DGKB: variants seen among roughly 807,000 people sequenced by gnomAD.
DGKB encodes the protein diacylglycerol kinase beta.
In DGKB, 67 loss-of-function variants were observed where a neutral mutation model predicts 114.3. That is an observed-to-expected ratio of 0.59 (90% CI 0.48 to 0.72). The LOEUF (loss-of-function observed/expected upper bound fraction) is 0.72, where lower values mean the gene tolerates loss of function less well. Ranked by LOEUF, DGKB falls within the 30% of genes least tolerant of loss-of-function variation. The pLI is 0.00. For synonymous variants in DGKB, 398 were observed against 323.1 expected, an observed-to-expected ratio of 1.23 and a Z score of -2.49; for missense variants, 907 against 975.2, an observed-to-expected ratio of 0.93 and a Z score of 0.93.
chr7:14,936,901 A>T (rs1034206919), intron 1 of DGKB, among the ~76,000 whole-genome samples: 8 of 151,996 alleles, frequency 5.3e-5, no homozygotes, highest in African/African-American at 1.9e-4. Flanking sequence ...GCTTTCATTT[A>T]TATCAGGGTG....
chr7:14,943,334 G>GAA (rs75511038), intron 1 of DGKB, among the ~76,000 whole-genome samples: 2 of 151,498 alleles, frequency 1.3e-5, no homozygotes, highest in East Asian at 3.9e-4. Context: ...TATGCCATAA[G>GAA]AAAAAAACCT....
intron 1 of DGKB, among the ~76,000 whole-genome samples, chr7:14,954,898 T>C (rs1230534211): frequency 1.3e-5 from 2 of 152,034 alleles, no homozygotes; most frequent in African/African-American, 2.4e-5. Context: ...TTTATGTATA[T>C]ATTTTTTCCA....
chr7:14,431,110 C>G (rs974633347), intron 21 of DGKB, among the ~76,000 whole-genome samples: 2 of 152,014 alleles, frequency 1.3e-5, no homozygotes, highest in African/African-American at 4.8e-5. Flanking sequence ...GCCTCTTCTC[C>G]CTTGTGTTGC....
chr7:14,398,251 A>G (rs1352175695), intron 21 of DGKB, among the ~76,000 whole-genome samples: 5 of 152,090 alleles, frequency 3.3e-5, no homozygotes, highest in South Asian at 4.1e-4. Flanking sequence ...ACATTATGTT[A>G]AACCACATTT....
chr7:14,221,844 T>A lies in DGKB; in HGVS notation c.2123-43693A>T, dbSNP rs1374469208. ...ATTACTACTCTGAATTCTACACTTA[T>A]CAATTCAGATTGAGTCCATTTCTTC... On this transcript the variant is annotated intron_variant, in intron 23 of 25. Coordinates refer to ENST00000402815, the MANE Select transcript of DGKB (RefSeq NM_001350709.2). 2.0e-5 allele frequency among the ~76,000 whole-genome samples: 3 copies of A among 151,562 alleles called. No individual in the cohort carries two copies. In the East Asian group the frequency reaches 5.8e-4, roughly 29 times the overall value.
chr7:14,850,011 C>T (rs866862717), intron 1 of DGKB, among the ~76,000 whole-genome samples: 2 of 152,166 alleles, frequency 1.3e-5, no homozygotes, highest in African/African-American at 2.4e-5. Context: ...CCTACCTCAA[C>T]CCATCCCCTA....
At chr7:14,713,888 C>G (rs1437554442) in intron 6 of DGKB, among the ~76,000 whole-genome samples, 1 of 151,704 alleles carries the variant, frequency 6.6e-6, no homozygotes. Flanking sequence ...TAATTGATAA[C>G]TTGATAAGCA....
intron 20 of DGKB, among the ~76,000 whole-genome samples, chr7:14,548,658 A>C (rs910764847): frequency 1.3e-5 from 2 of 152,146 alleles, no homozygotes; most frequent in Non-Finnish European, 2.9e-5. Flanking sequence ...GGCCCAGAAC[A>C]TGATAGGAAG....
At chr7:14,292,168 A>G (rs1801872557) in intron 23 of DGKB, among the ~76,000 whole-genome samples, 1 of 152,200 alleles carries the variant, frequency 6.6e-6, no homozygotes, top group South Asian at 2.1e-4. Context: ...TTGGGAAAAT[A>G]CAAATTTTAA....
At chr7:14,644,173 C>T (rs1340257967) in intron 13 of DGKB, among the ~76,000 whole-genome samples, 6 of 150,526 alleles carry the variant, frequency 4.0e-5, no homozygotes, top group Non-Finnish European at 5.9e-5. Context: ...GAACTAAAAC[C>T]AAAGCACTCT....
chr7:14,850,695 A>G (rs1446722192), intron 1 of DGKB, among the ~76,000 whole-genome samples: 1 of 152,212 alleles, frequency 6.6e-6, no homozygotes, highest in Non-Finnish European at 1.5e-5. Context: ...TTACCTAAAA[A>G]TGTGGTGAAG....
intron 1 of DGKB, among the ~76,000 whole-genome samples, chr7:14,942,887 C>G (rs1265015869): frequency 1.3e-5 from 2 of 151,922 alleles, no homozygotes; most frequent in East Asian, 1.9e-4. Flanking sequence ...ATAGCACTTA[C>G]TTAATTTGTC....
At chr7:14,402,375 C>A (rs2128728335) in intron 21 of DGKB, among the ~76,000 whole-genome samples, 1 of 151,890 alleles carries the variant, frequency 6.6e-6, no homozygotes, top group African/African-American at 2.4e-5. Flanking sequence ...ATTCCAGGAA[C>A]ATAGTTTCTT....
Position 14,621,456 on chromosome 7 carries a change from G to A in DGKB, c.1206C>T (p.Ser402=). The A allele has an allele frequency of 6.2e-7, 1 of 1,610,160 alleles. No individual in the cohort carries two copies. The highest frequency in any genetic ancestry group is 8.5e-7 in the Non-Finnish European group (1 of 1,178,062). Residue 402 remains serine, a synonymous_variant, in exon 15 of 26, where the codon TCC becomes TCT. Coordinates refer to ENST00000402815, the MANE Select transcript of DGKB (RefSeq NM_001350709.2). ...QSTVKKEKSG[S]QQPNKVIDKN... is the part of the protein sequence containing the mutation. ...TGTCAATCACTTTGTTTGGCTGCTG[G>A]GAACCACTCTTTTCCTTTTTCACTG...
At chr7:14,798,772 C>T (rs904616310) in intron 2 of DGKB, among the ~76,000 whole-genome samples, 1 of 152,208 alleles carries the variant, frequency 6.6e-6, no homozygotes, top group African/African-American at 2.4e-5. Flanking sequence ...TGGGTCCCCA[C>T]ACCCATCCTG....
intron 23 of DGKB, among the ~76,000 whole-genome samples, chr7:14,227,210 A>G (rs542210158): frequency 6.6e-6 from 1 of 152,190 alleles, no homozygotes; most frequent in East Asian, 1.9e-4. Flanking sequence ...CACAATCCTG[A>G]TGAACTTTTG....
intron 20 of DGKB, among the ~76,000 whole-genome samples, chr7:14,556,097 T>C (rs928761307): frequency 6.6e-6 from 1 of 152,214 alleles, no homozygotes; most frequent in East Asian, 1.9e-4. Context: ...GGGGTCTGGA[T>C]TGGGACTCCT....
intron 8 of DGKB, among the ~76,000 whole-genome samples, chr7:14,697,470 T>G (rs984084223): frequency 2.0e-5 from 3 of 152,116 alleles, no homozygotes; most frequent in African/African-American, 7.2e-5. Context: ...TCCACATGTA[T>G]GTAAGACCAC....
chr7:14,806,779 CCT>C (rs551112037), intron 2 of DGKB, among the ~76,000 whole-genome samples: 2 of 152,000 alleles, frequency 1.3e-5, no homozygotes, highest in Admixed American at 1.3e-4. Context: ...TTTAAGAATC[CCT>C]GATGCTGCTA....
Sources: gnomAD v4.1 joint callset for allele counts (sites outside exome capture counted in the v4.1 genomes callset) on GRCh38, gnomAD v4.1.1 for gene constraint, MANE v1.5 for transcripts, NCBI Gene and HGNC (gene_info 2026-07-23, HGNC 2026-07-21) for gene names.